Variants in LHFPL1 observed in about 807,000 individuals in gnomAD.
LHFPL1 encodes the protein LHFPL tetraspan subfamily member 1.
A neutral mutation model predicts 12.1 loss-of-function variants in LHFPL1; 4 were observed. The ratio of observed to expected loss-of-function variants is 0.33; its 90% CI spans 0.16 to 0.76. LHFPL1 has a LOEUF of 0.76. LHFPL1 is among the 30% of genes least tolerant of loss of function. The pLI is 0.61. For synonymous variants in LHFPL1, 52 were observed against 61.9 expected (o/e 0.84, Z 0.75); for missense variants, 141 against 174.1 (o/e 0.81, Z 1.07).
intron 3 of LHFPL1, among the ~76,000 whole-genome samples, chrX:112,648,968 G>C (rs1344747523): frequency 2.7e-5 from 3 of 111,961 alleles, no homozygotes; most frequent in African/African-American, 9.7e-5. Flanking sequence ...TCTCTACTAA[G>C]ATACTTCTCA....
intron 1 of LHFPL1, among the ~76,000 whole-genome samples, chrX:112,673,790 C>A (rs1304794640): frequency 1.8e-5 from 2 of 111,750 alleles, no homozygotes; most frequent in African/African-American, 6.5e-5. Flanking sequence ...AGTATTACCC[C>A]AAAAGTATTA....
chrX:112,634,925 T>C (rs925499896), intron 3 of LHFPL1, among the ~76,000 whole-genome samples: 4 of 73,864 alleles, frequency 5.4e-5, no homozygotes, highest in Non-Finnish European at 7.7e-5. Flanking sequence ...ACCTGTTATC[T>C]ACCGGAGGAA....
intron 1 of LHFPL1, among the ~76,000 whole-genome samples, chrX:112,678,814 C>G (rs767420520): frequency 8.9e-6 from 1 of 111,842 alleles, no homozygotes; most frequent in East Asian, 2.8e-4. Flanking sequence ...CTAATGGGAA[C>G]TAATGATTGA....
At chrX:112,633,046 G>A (rs1222721728) in intron 3 of LHFPL1, among the ~76,000 whole-genome samples, 1 of 112,224 alleles carries the variant, frequency 8.9e-6, no homozygotes, top group Admixed American at 9.4e-5. Context: ...GAATGTATCC[G>A]TATACTCCAT....
Position 112,637,503 on chromosome X carries a change from T to A in LHFPL1, c.482-5902A>T, listed in dbSNP as rs925837958. Among the ~76,000 whole-genome samples, 3 of 111,833 alleles carry A rather than the reference T, an allele frequency of 2.7e-5. No homozygotes were observed. In the Admixed American group the frequency reaches 2.8e-4, roughly 11 times the overall value. ...AATTATGGACCGGAGTGAGTCAGAA[T>A]CTGATAGAGTGGCTCCCCCATTCAG... On this transcript the variant is annotated intron_variant, in intron 3 of 3. Transcript: ENST00000371968.
chrX:112,632,072 T>C (rs1023159698), intron 3 of LHFPL1, among the ~76,000 whole-genome samples: 3 of 111,349 alleles, frequency 2.7e-5, no homozygotes, highest in Non-Finnish European at 5.7e-5. Context: ...AGCCGGCAAG[T>C]GGTAAAGATA....
intron 2 of LHFPL1, among the ~76,000 whole-genome samples, chrX:112,668,126 A>G (rs1017217593): frequency 8.9e-6 from 1 of 111,755 alleles, no homozygotes; most frequent in East Asian, 2.8e-4. Flanking sequence ...AATTCCCCTC[A>G]GCTACACAAG....
At chrX:112,674,019 G>C (rs1011267512) in intron 1 of LHFPL1, among the ~76,000 whole-genome samples, 17 of 111,689 alleles carry the variant, frequency 1.5e-4, no homozygotes, top group African/African-American at 5.5e-4. Flanking sequence ...AACAAATCTG[G>C]AAGCATCATA....
At chrX:112,646,929 A>G (rs926359519) in intron 3 of LHFPL1, among the ~76,000 whole-genome samples, 5 of 112,065 alleles carry the variant, frequency 4.5e-5, no homozygotes, top group African/African-American at 1.6e-4. Flanking sequence ...AGTGAGTTAG[A>G]AGATAGGCTC....
intron 3 of LHFPL1, among the ~76,000 whole-genome samples, chrX:112,645,719 G>T (rs1001833979): frequency 3.6e-5 from 4 of 111,953 alleles, no homozygotes; most frequent in African/African-American, 1.3e-4. Context: ...ATTCATCTGT[G>T]TGGCATCAAG....
intron 3 of LHFPL1, among the ~76,000 whole-genome samples, chrX:112,651,743 C>T (rs767135850): frequency 4.5e-5 from 5 of 112,197 alleles, no homozygotes; most frequent in Admixed American, 1.9e-4. Flanking sequence ...ATGGCTCAGC[C>T]TCCTGACTGG....
intron 2 of LHFPL1, among the ~76,000 whole-genome samples, chrX:112,665,422 C>G (rs991239743): frequency 3.6e-4 from 40 of 111,490 alleles, no homozygotes; most frequent in African/African-American, 1.2e-3. Context: ...GACTCCTGAG[C>G]GCAGGCAATC....
At chrX:112,652,911 C>G (rs1038865018) in intron 3 of LHFPL1, among the ~76,000 whole-genome samples, 3 of 111,914 alleles carry the variant, frequency 2.7e-5, no homozygotes, top group African/African-American at 9.7e-5. Flanking sequence ...GTGTATACAA[C>G]ATTTTTAAGA....
intron 3 of LHFPL1, among the ~76,000 whole-genome samples, chrX:112,638,146 G>A (rs1183724275): frequency 8.9e-6 from 1 of 111,928 alleles, no homozygotes; most frequent in Non-Finnish European, 1.9e-5. Context: ...CAGGTAAGGG[G>A]CAAAGAGAAC....
At chrX:112,653,075 G>A (rs1157319731) in intron 3 of LHFPL1, among the ~76,000 whole-genome samples, 1 of 111,866 alleles carries the variant, frequency 8.9e-6, no homozygotes, top group Non-Finnish European at 1.9e-5. Context: ...AGTGAACTTA[G>A]GCAAGCTACA....
intron 3 of LHFPL1, among the ~76,000 whole-genome samples, chrX:112,640,372 G>C (rs151285479): frequency 2.4e-3 from 264 of 111,471 alleles, no homozygotes; most frequent in Middle Eastern, 4.6e-3. Flanking sequence ...AGCAAAGGGA[G>C]TAACACATGC....
At position 112,660,696 on chromosome X, in the gene LHFPL1, A is replaced by G; in HGVS notation, c.412T>C (p.Tyr138His). The G allele has an allele frequency of 8.3e-7, 1 of 1,207,507 alleles. No homozygotes were observed. Among genetic ancestry groups the G allele is most frequent in the East Asian group, 3.0e-5 (1 of 33,813 alleles). ...TCCGGGCTATTCCATCCTAAAGGGT[A>G]TAAGGCACAGCCTGAGCTTATCAGC... ...GLLISSGCALYPLGWNSPEIM... is the reference protein window; with the variant it reads ...GLLISSGCALHPLGWNSPEIM... The change falls in exon 3 of 4, where the codon TAC becomes CAC. Residue 138 changes from tyrosine (Y) to histidine (H), a missense_variant. Coordinates refer to ENST00000371968, the MANE Select transcript of LHFPL1 (RefSeq NM_178175.4).
chrX:112,646,258 G>A (rs1053281858), intron 3 of LHFPL1, among the ~76,000 whole-genome samples: 2 of 105,364 alleles, frequency 1.9e-5, no homozygotes, highest in African/African-American at 7.0e-5. Flanking sequence ...GGGACAGCAA[G>A]GGACCTGGAA....
chrX:112,653,326 A>G (rs1284865112), intron 3 of LHFPL1, among the ~76,000 whole-genome samples: 2 of 111,586 alleles, frequency 1.8e-5, no homozygotes, highest in African/African-American at 3.3e-5. Flanking sequence ...GGTTCTGCCA[A>G]TTACAAGCTC....
Sources: allele counts gnomAD v4.1 joint callset (sites outside exome capture counted in the v4.1 genomes callset), GRCh38; gene constraint gnomAD v4.1.1; transcripts MANE v1.5; gene names NCBI Gene and HGNC (gene_info 2026-07-23, HGNC 2026-07-21).